Variants in RASSF6 observed in about 807,000 individuals in gnomAD.
RASSF6 encodes the protein ras association domain-containing protein 6.
A neutral mutation model predicts 44.0 loss-of-function variants in RASSF6; 52 were observed. The ratio of observed to expected loss-of-function variants is 1.18; its 90% confidence interval spans 0.95 to 1.49. The LOEUF (loss-of-function observed/expected upper bound fraction) is 1.49. RASSF6 is among the 40% of genes most tolerant of loss of function. The pLI is 0.00. For missense variants in RASSF6, 464 were observed against 393.3 expected (o/e 1.18, Z -1.52); for synonymous variants, 162 against 124.6 (o/e 1.30, Z -2.00).
At chr4:73,610,070 T>C (rs1430100131) in intron 2 of RASSF6, among the ~76,000 whole-genome samples, 2 of 152,180 alleles carry the variant, frequency 1.3e-5, no homozygotes, top group African/African-American at 4.8e-5. Flanking sequence ...TGTCCAGAAC[T>C]GAATTCCGGA....
At chr4:73,618,304 T>TCTATCTAA (rs1343845555) in intron 1 of RASSF6, among the ~76,000 whole-genome samples, 2 of 151,942 alleles carry the variant, frequency 1.3e-5, no homozygotes, top group African/African-American at 4.8e-5. Context: ...AAAGTTGTTA[T>TCTATCTAA]CTATCTATCT....
intron 8 of RASSF6, 82 bp from the exon 9 acceptor site, chr4:73,576,813 C>T (rs1578013323): frequency 1.5e-5 from 13 of 873,726 alleles, no homozygotes; most frequent in East Asian, 1.0e-4. Flanking sequence ...ATTTATTTTT[C>T]GTATTTAACT....
intron 5 of RASSF6, among the ~76,000 whole-genome samples, chr4:73,585,685 G>A (rs1347587159): frequency 1.3e-5 from 2 of 151,898 alleles, no homozygotes; most frequent in African/African-American, 2.4e-5. Flanking sequence ...GCATTTCAGA[G>A]TGTTAGAGCT....
chr4:73,581,993 T>A, intron 7 of RASSF6, 125 bp from the exon 8 acceptor site: 1 of 733,872 alleles, frequency 1.4e-6, no homozygotes, highest in Middle Eastern at 3.7e-4. Flanking sequence ...TAAAATCTTC[T>A]CTGCTCTTAT....
At chr4:73,581,448 G>T (rs1255644799) in intron 8 of RASSF6, among the ~76,000 whole-genome samples, 1 of 152,142 alleles carries the variant, frequency 6.6e-6, no homozygotes, top group Non-Finnish European at 1.5e-5. Context: ...GAGAGAACAG[G>T]TATGCAATCA....
At chr4:73,617,839 C>T (rs1163730539) in intron 1 of RASSF6, among the ~76,000 whole-genome samples, 1 of 152,076 alleles carries the variant, frequency 6.6e-6, no homozygotes, top group African/African-American at 2.4e-5. Flanking sequence ...TTCAGAATTC[C>T]TTTCTCAGAG....
chr4:73,590,064 C>T (rs1724416385), intron 4 of RASSF6, among the ~76,000 whole-genome samples: 1 of 152,162 alleles, frequency 6.6e-6, no homozygotes, highest in African/African-American at 2.4e-5. Flanking sequence ...GCAAACACAA[C>T]CTTAACAAGG....
At chr4:73,592,384 C>A (rs772475533) in intron 4 of RASSF6, among the ~76,000 whole-genome samples, 3 of 151,840 alleles carry the variant, frequency 2.0e-5, no homozygotes, top group Non-Finnish European at 4.4e-5. Flanking sequence ...ACAATGGATG[C>A]GAGGATGAAT....
chr4:73,582,366 CT>C (rs1723731304), intron 6 of RASSF6, 76 bp from the exon 7 acceptor site: 5 of 599,326 alleles, frequency 8.3e-6, no homozygotes, highest in Non-Finnish European at 1.4e-5. Context: ...ACATAATCTT[CT>C]TATAGGGCAA....
intron 4 of RASSF6, among the ~76,000 whole-genome samples, chr4:73,589,175 A>C (rs2149375829): frequency 6.6e-6 from 1 of 152,184 alleles, no homozygotes; most frequent in Admixed American, 6.5e-5. Flanking sequence ...ATATTTGTTA[A>C]TTTTCCAGCA....
chr4:73,581,306 C>G (rs1020491078), intron 8 of RASSF6, among the ~76,000 whole-genome samples: 1 of 152,150 alleles, frequency 6.6e-6, no homozygotes, highest in Non-Finnish European at 1.5e-5. Context: ...ACTTACAGCG[C>G]CTTCCCAATG....
intron 2 of RASSF6, among the ~76,000 whole-genome samples, chr4:73,604,880 CTTTCTTTT>C (rs1259189964): frequency 8.0e-6 from 1 of 124,424 alleles, no homozygotes; most frequent in Admixed American, 8.9e-5. Flanking sequence ...AAATCATTTT[CTTTCTTTT>C]TTTTTTTTTT....
intron 4 of RASSF6, among the ~76,000 whole-genome samples, chr4:73,593,135 C>T (rs1422872954): frequency 2.6e-5 from 4 of 152,020 alleles, no homozygotes; most frequent in African/African-American, 9.7e-5. Flanking sequence ...CCTGCCTCAG[C>T]CTCCCGAGTA....
At chr4:73,610,253 T>C (rs1246594671) in intron 2 of RASSF6, among the ~76,000 whole-genome samples, 1 of 152,186 alleles carries the variant, frequency 6.6e-6, no homozygotes, top group African/African-American at 2.4e-5. Context: ...CTTCAAACTA[T>C]ATCCAGAATC....
At chr4:73,602,916 G>A (rs1355051403) in intron 2 of RASSF6, among the ~76,000 whole-genome samples, 1 of 152,020 alleles carries the variant, frequency 6.6e-6, no homozygotes, top group African/African-American at 2.4e-5. Context: ...GTGAAACCCC[G>A]TCTCTACTAA....
intron 8 of RASSF6, among the ~76,000 whole-genome samples, chr4:73,578,693 C>A (rs1419046857): frequency 1.2e-4 from 18 of 150,572 alleles, no homozygotes; most frequent in Admixed American, 1.1e-3. Flanking sequence ...ACTGCAACCT[C>A]CGCCTCCTGA....
intron 2 of RASSF6, among the ~76,000 whole-genome samples, chr4:73,606,068 A>G (rs2149392023): frequency 6.6e-6 from 1 of 152,362 alleles, no homozygotes; most frequent in African/African-American, 2.4e-5. Flanking sequence ...TACTGGATAT[A>G]GACCCAAAGG....
At chr4:73,591,145 A>G (rs1208249556) in intron 4 of RASSF6, among the ~76,000 whole-genome samples, 1 of 152,236 alleles carries the variant, frequency 6.6e-6, no homozygotes, top group African/African-American at 2.4e-5. Context: ...TATATTCTCT[A>G]TTCTCACCAC....
At position 73,582,172 on chromosome 4, in the gene RASSF6, T is replaced by C. The variant is rs1486156342; in HGVS notation, c.669+17A>G. On this transcript the variant is annotated intron_variant, in intron 7 of 10. Coordinates refer to ENST00000307439, the MANE Select transcript of RASSF6 (RefSeq NM_177532.5). ...ATATATAATATATTTATAGCTCAGT[T>C]AAGTGATAAAGGTTACCTTAAATTT... 2 of 1,148,016 alleles carry C rather than the reference T, an allele frequency of 1.7e-6. No homozygotes were observed. Among genetic ancestry groups the C allele is most frequent in the Non-Finnish European group, 2.6e-6 (2 of 782,122 alleles). 71.1% of individuals were successfully genotyped at this position (1,148,016 alleles called of 1,614,324 possible). A position where few individuals can be genotyped will look rare whatever the true frequency, so the allele number is the denominator to read the frequency against.
Sources: gnomAD v4.1 joint callset for allele counts (sites outside exome capture counted in the v4.1 genomes callset) on GRCh38, gnomAD v4.1.1 for gene constraint, MANE v1.5 for transcripts, NCBI Gene and HGNC (gene_info 2026-07-23, HGNC 2026-07-21) for gene names.